The following PLA2R1 variants were observed in gnomAD, a reference collection of about 807,000 sequenced individuals.
The protein encoded by PLA2R1 is phospholipase A2 receptor 1.
Under a neutral mutation model 195.9 loss-of-function variants are expected in PLA2R1, and 158 were observed. That is an observed-to-expected ratio of 0.81 (90% CI 0.71 to 0.92). PLA2R1 has a LOEUF of 0.92. Among genes scored for constraint, PLA2R1 ranks in the 40% least tolerant of loss-of-function variants. The pLI is 0.00. For synonymous variants in PLA2R1, 586 were observed against 598.2 expected (o/e 0.98, Z 0.30); for missense variants, 1,626 against 1,764.6 (o/e 0.92, Z 1.41).
At position 159,938,594 on chromosome 2, in the gene PLA2R1, C is replaced by T. The variant is rs1228367857; in HGVS notation, c.*3184G>A. ...AGGGACAGCCAGAATGAGGCCAAAT[C>T]AAAGAGAACAGACTACAGATTAAAG... On this transcript the variant is annotated 3_prime_UTR_variant, in exon 30 of 30. Transcript: ENST00000283243. 6.6e-6 allele frequency: 1 copy of T among 152,404 alleles called. No individual in the cohort carries two copies. The allele number at this position is 152,404 out of a possible 1,614,324, so 9.4% of individuals were successfully genotyped here.
At position 159,955,217 on chromosome 2, in the gene PLA2R1, C is replaced by T. The variant is rs767347105; in HGVS notation, c.3283G>A (p.Val1095Ile). The change falls in exon 23 of 30, where the codon GTT (valine) becomes ATT (isoleucine). Residue 1095 changes from valine to isoleucine, a missense_variant. Physicochemically the swap from Val to Ile is conservative, Grantham distance 29 (BLOSUM62 3). Transcript: ENST00000283243. ...EDCGKEGYGF[V>I]CEKMQDTSGH... Reference sequence around the variant, plus strand: ...TTCTTACCTTGCATTTTTTCACAAACAAACCCATAGCCTTCCTTTCCACAG... The same window carrying T: ...TTCTTACCTTGCATTTTTTCACAAATAAACCCATAGCCTTCCTTTCCACAG... 3.7e-6 allele frequency: 6 copies of T among 1,605,214 alleles called. No homozygotes were observed. In the African/African-American group the frequency reaches 8.1e-5, roughly 22 times the overall value.
In PLA2R1 at chr2:159,942,917, A is replaced by G. The variant is rs77179901; in HGVS notation, c.4145-758T>C. Among the ~76,000 whole-genome samples, 2,901 of 152,254 alleles carry G rather than the reference A, an allele frequency of 0.019. 163 individuals are homozygous for G. In the East Asian group the frequency reaches 0.2, roughly 11 times the overall value. ...GCTCATTCACTCTGATAGACATGAA[A>G]AAAATCACAACACTGTTACTAATAG... is the stretch of plus-strand genomic sequence containing the variant. On this transcript the variant is annotated intron_variant, in intron 28 of 29. Coordinates refer to ENST00000283243, the MANE Select transcript of PLA2R1 (RefSeq NM_007366.5).
chr2:159,995,635 G>A (rs2105354419), intron 11 of PLA2R1, among the ~76,000 whole-genome samples: 1 of 152,104 alleles, frequency 6.6e-6, no homozygotes, highest in Middle Eastern at 3.4e-3. Context: ...GATGTTACTT[G>A]TTTGGAGCTA....
intron 4 of PLA2R1, among the ~76,000 whole-genome samples, chr2:160,030,636 C>A (rs1341214145): frequency 6.6e-6 from 1 of 152,054 alleles, no homozygotes; most frequent in Non-Finnish European, 1.5e-5. Context: ...CTAAGCTGGC[C>A]CACGATACTG....
intron 10 of PLA2R1, among the ~76,000 whole-genome samples, chr2:160,006,731 C>T (rs970366440): frequency 5.3e-5 from 8 of 152,188 alleles, no homozygotes; most frequent in African/African-American, 1.9e-4. Context: ...GGCAGACCTG[C>T]TGAGTCAATG....
rs753383243 is a variant in PLA2R1 at position 159,987,239 on chromosome 2, T to G, written c.1954A>C (p.Lys652Gln). The change falls in exon 12 of 30, where the codon AAA becomes CAA. Residue 652 changes from lysine (K) to glutamine (Q), a missense_variant. Physicochemically the swap from Lys to Gln is moderately conservative, Grantham distance 53. Coordinates refer to ENST00000283243, the MANE Select transcript of PLA2R1 (RefSeq NM_007366.5). ...GGCCATCTCTCTTCATACTCTGCTT[T>G]TTCCTGATTTTCAACTGGCTGCTTG... Reference protein sequence around the residue: ...LCKQPVENQEKAEYEERWPFH... With the variant: ...LCKQPVENQEQAEYEERWPFH... 3.7e-6 allele frequency: 6 copies of G among 1,613,766 alleles called. No individual in the cohort carries two copies.
rs750538287 is a variant in PLA2R1 at position 159,970,179 on chromosome 2, G to A, written c.2629C>T (p.Leu877Phe). The A allele has an allele frequency of 2.5e-6, 4 of 1,609,310 alleles. No individual in the cohort carries two copies. The highest frequency in any genetic ancestry group is 2.7e-5 in the African/African-American group (2 of 74,798). ...TCATCATTGGCTCTTTCTTCTTGAA[G>A]TCCAATCCACCAACTTGCACCATAC... is the stretch of plus-strand genomic sequence containing the variant. ...SKYGASWWIG[L>F]QEERANDEFR... is the part of the protein sequence containing the mutation. The change falls in exon 18 of 30, where the codon CTT (leucine) becomes TTT (phenylalanine). Residue 877 changes from leucine to phenylalanine, a missense_variant. Leu to Phe is a conservative substitution (Grantham distance 22). Transcript: ENST00000283243.
At chr2:160,049,740 C>T (rs1695105651) in intron 1 of PLA2R1, among the ~76,000 whole-genome samples, 1 of 152,130 alleles carries the variant, frequency 6.6e-6, no homozygotes, top group Non-Finnish European at 1.5e-5. Context: ...GCACAAGAAT[C>T]ACTTGAACCC....
chr2:160,030,815 G>T (rs758425327), intron 4 of PLA2R1, among the ~76,000 whole-genome samples: 11 of 152,116 alleles, frequency 7.2e-5, no homozygotes, highest in Admixed American at 1.3e-4. Context: ...TTTATGAACA[G>T]ACTTCTGTTT....
rs1689587839 is a variant in PLA2R1 at position 159,976,752 on chromosome 2, T to C, written c.2402-32A>G. On this transcript the variant is annotated intron_variant, in intron 15 of 29. Transcript: ENST00000283243. ...AGTGAAAGCAAATCACTTTGACTGA[T>C]CTTGCTTCTCAAGTGCATTGTCTGT... 8.8e-6 allele frequency: 14 copies of C among 1,587,620 alleles called. No individual in the cohort carries two copies. In the East Asian group the frequency reaches 2.9e-4, roughly 33 times the overall value.
rs1411631000 is a variant in PLA2R1, at chr2:159,933,566, A to G, written c.*8212T>C. 1 of 151,772 alleles carries G rather than the reference A, an allele frequency of 6.6e-6. No homozygotes were observed. Among genetic ancestry groups the G allele is most frequent in the African/African-American group, 2.4e-5 (1 of 41,276 alleles). The allele number at this position is 151,772 out of a possible 1,614,324, so 9.4% of individuals were successfully genotyped here. A position where few individuals can be genotyped will look rare whatever the true frequency, so the allele number is the denominator to read the frequency against. On this transcript the variant is annotated 3_prime_UTR_variant, in exon 30 of 30. Coordinates refer to ENST00000283243, the MANE Select transcript of PLA2R1 (RefSeq NM_007366.5). ...CTTGATATTATTTATGTCACATTGC[A>G]TTGCACTTATCATTTACATATTCCT...
chr2:159,984,778 G>C (rs1161702422), intron 12 of PLA2R1, among the ~76,000 whole-genome samples: 1 of 152,156 alleles, frequency 6.6e-6, no homozygotes, highest in African/African-American at 2.4e-5. Context: ...TGAAGACCCA[G>C]AGCTTGCAAT....
intron 10 of PLA2R1, 43 bp from the exon 11 acceptor site, chr2:160,005,864 C>A: frequency 7.1e-7 from 1 of 1,411,208 alleles, no homozygotes; most frequent in South Asian, 1.2e-5. Context: ...AGTTTCTGGG[C>A]AATAAAAAAA....
At chr2:160,025,790 T>G (rs1693480624) in intron 6 of PLA2R1, among the ~76,000 whole-genome samples, 1 of 152,024 alleles carries the variant, frequency 6.6e-6, no homozygotes, top group African/African-American at 2.4e-5. Flanking sequence ...ATCGGAATAA[T>G]TACTCTGAAT....
intron 1 of PLA2R1, among the ~76,000 whole-genome samples, chr2:160,047,049 T>C (rs1432014259): frequency 6.6e-6 from 1 of 152,206 alleles, no homozygotes; most frequent in African/African-American, 2.4e-5. Flanking sequence ...CTACCTAATA[T>C]ATATGTTCAA....
chr2:160,027,177 A>G (rs1693575586), intron 6 of PLA2R1, among the ~76,000 whole-genome samples: 1 of 152,214 alleles, frequency 6.6e-6, no homozygotes, highest in Admixed American at 6.5e-5. Context: ...AATAATCCAA[A>G]CAAGCTAACT....
intron 1 of PLA2R1, among the ~76,000 whole-genome samples, 198 bp downstream of exon 1, chr2:160,062,097 G>C (rs977531724): frequency 2.0e-5 from 3 of 151,922 alleles, no homozygotes; most frequent in Admixed American, 6.5e-5. Context: ...CGCAAGTGGG[G>C]TGCTGGGCCT....
intron 14 of PLA2R1, among the ~76,000 whole-genome samples, chr2:159,978,319 T>C (rs1034698986): frequency 6.6e-6 from 1 of 152,154 alleles, no homozygotes; most frequent in Non-Finnish European, 1.5e-5. Context: ...GTACCACAAG[T>C]AAAATTGGGG....
At chr2:159,989,316 T>C (rs534842794) in intron 11 of PLA2R1, among the ~76,000 whole-genome samples, 4 of 152,286 alleles carry the variant, frequency 2.6e-5, no homozygotes, top group South Asian at 4.2e-4. Flanking sequence ...GTACAAGAGA[T>C]GCTGCATGCT....
Sources: gnomAD v4.1 joint callset for allele counts (sites outside exome capture counted in the v4.1 genomes callset) on GRCh38, gnomAD v4.1.1 for gene constraint, MANE v1.5 for transcripts, NCBI Gene and HGNC (gene_info 2026-07-23, HGNC 2026-07-21) for gene names.